Variants in YWHAE observed in about 807,000 individuals in gnomAD.
YWHAE encodes the protein 14-3-3 protein epsilon.
A neutral mutation model predicts 30.1 loss-of-function variants in YWHAE; 4 were observed. That is an observed-to-expected ratio of 0.13 (90% CI 0.07 to 0.30). The LOEUF is 0.30. Among genes scored for constraint, YWHAE ranks in the 10% least tolerant of loss-of-function variants. YWHAE has a pLI of 1.00. For missense variants in YWHAE, 121 were observed against 315.9 expected (o/e 0.38, Z 4.68); for synonymous variants, 118 against 111.8 (o/e 1.06, Z -0.35).
chr17:1,354,121 GATA>G lies in YWHAE; in HGVS notation c.715+87_715+89del, dbSNP rs2072687427. On this transcript the variant is annotated intron_variant, in intron 5 of 5. Coordinates refer to ENST00000264335, the MANE Select transcript of YWHAE (RefSeq NM_006761.5). ...AGGCGGTGAATCTAAATTCTAGCTT[GATA>G]TAACGACAAGCCAAGGAATGTCTAA... The G allele has an allele frequency of 4.0e-6, 6 of 1,481,514 alleles. No homozygotes were observed. In the East Asian group the frequency reaches 1.4e-4, roughly 34 times the overall value. The allele number at this position is 1,481,514 out of a possible 1,614,324, so 91.8% of individuals were successfully genotyped here.
intron 5 of YWHAE, chr17:1,348,027 G>A (rs947196819): frequency 1.0e-6 from 1 of 1,004,138 alleles, no homozygotes; most frequent in Non-Finnish European, 1.2e-6. Flanking sequence ...CAAGGAAAAA[G>A]GGAGGGAGAA....
At chr17:1,349,676 C>CG (rs1227074663) in intron 5 of YWHAE, among the ~76,000 whole-genome samples, 1 of 150,892 alleles carries the variant, frequency 6.6e-6, no homozygotes, top group African/African-American at 2.4e-5. Flanking sequence ...TGCAGTGGTG[C>CG]TATCTCGGCT....
chr17:1,366,490 C>A (rs1221490492), intron 1 of YWHAE, among the ~76,000 whole-genome samples: 1 of 151,848 alleles, frequency 6.6e-6, no homozygotes, highest in African/African-American at 2.4e-5. Context: ...ACTGAGATCG[C>A]CCCACTGTAT....
At chr17:1,362,217 T>A (rs1411096067) in intron 2 of YWHAE, among the ~76,000 whole-genome samples, 1 of 152,064 alleles carries the variant, frequency 6.6e-6, no homozygotes, top group African/African-American at 2.4e-5. Flanking sequence ...GCATGCTGCC[T>A]ATTGTTACAC....
intron 1 of YWHAE, among the ~76,000 whole-genome samples, chr17:1,388,086 G>A (rs1336989364): frequency 7.3e-6 from 1 of 137,472 alleles, no homozygotes; most frequent in Non-Finnish European, 1.5e-5. Context: ...CCACCACCAC[G>A]CCTGGGTAAT....
At chr17:1,360,857 G>T (rs959896420) in intron 4 of YWHAE, among the ~76,000 whole-genome samples, 2 of 152,066 alleles carry the variant, frequency 1.3e-5, no homozygotes, top group Admixed American at 6.6e-5. Flanking sequence ...TAACATGTTA[G>T]ATTTCAATCT....
chr17:1,393,021 T>C (rs1444774805), intron 1 of YWHAE, among the ~76,000 whole-genome samples: 1 of 151,830 alleles, frequency 6.6e-6, no homozygotes, highest in Non-Finnish European at 1.5e-5. Flanking sequence ...CTGGGCAACA[T>C]GGTGAAACCC....
chr17:1,382,053 T>C (rs975949991), intron 1 of YWHAE, among the ~76,000 whole-genome samples: 1 of 152,020 alleles, frequency 6.6e-6, no homozygotes, highest in Non-Finnish European at 1.5e-5. Context: ...GTAGTTTTTT[T>C]GTTTGTTTGT....
At chr17:1,393,952 C>G (rs1006310099) in intron 1 of YWHAE, among the ~76,000 whole-genome samples, 1 of 152,096 alleles carries the variant, frequency 6.6e-6, no homozygotes, top group Non-Finnish European at 1.5e-5. Flanking sequence ...CTACAATTCA[C>G]CATGGATATC....
intron 1 of YWHAE, among the ~76,000 whole-genome samples, chr17:1,395,890 G>A (rs937758741): frequency 1.5e-4 from 23 of 152,268 alleles, no homozygotes; most frequent in Non-Finnish European, 2.2e-4. Flanking sequence ...AGGCCGAGGC[G>A]GGCGGATCAC....
chr17:1,382,652 G>C (rs539885428), intron 1 of YWHAE, among the ~76,000 whole-genome samples: 1 of 151,958 alleles, frequency 6.6e-6, no homozygotes, highest in African/African-American at 2.4e-5. Context: ...GAGCCACCAC[G>C]CCTGGCCAGT....
At chr17:1,387,982 G>A (rs557663379) in intron 1 of YWHAE, among the ~76,000 whole-genome samples, 16 of 136,164 alleles carry the variant, frequency 1.2e-4, no homozygotes, top group Admixed American at 9.3e-4. Flanking sequence ...CTGGAGCCCA[G>A]GGGCACTATC....
At chr17:1,394,443 A>G (rs1477090017) in intron 1 of YWHAE, among the ~76,000 whole-genome samples, 1 of 133,268 alleles carries the variant, frequency 7.5e-6, no homozygotes, top group East Asian at 2.2e-4. Flanking sequence ...CCACAAAAAA[A>G]AAAAAAAAAA....
At chr17:1,390,081 T>C (rs992281929) in intron 1 of YWHAE, among the ~76,000 whole-genome samples, 13 of 152,118 alleles carry the variant, frequency 8.5e-5, no homozygotes, top group African/African-American at 2.9e-4. Flanking sequence ...CGACCTCAGG[T>C]GATCCGCCCA....
chr17:1,381,292 C>A (rs1440681187), intron 1 of YWHAE, among the ~76,000 whole-genome samples: 4 of 151,630 alleles, frequency 2.6e-5, no homozygotes, highest in Non-Finnish European at 4.4e-5. Context: ...AGGCGGGTGA[C>A]TCACCTGAGG....
At chr17:1,345,548 C>T (rs187793767) in intron 5 of YWHAE, 49 bp from the exon 6 acceptor site, 207 of 1,578,836 alleles carry the variant, frequency 1.3e-4, no homozygotes, top group Admixed American at 7.5e-4. Flanking sequence ...CTACATTAGG[C>T]TATGGCAGCC....
At position 1,345,064 on chromosome 17, in the gene YWHAE, T is replaced by C; in HGVS notation, c.*383A>G. On this transcript the variant is annotated 3_prime_UTR_variant, in exon 6 of 6. Coordinates refer to ENST00000264335, the MANE Select transcript of YWHAE (RefSeq NM_006761.5). ...TGATACCACTTATGCCTCTATAGTG[T>C]GATTAACCTCTCTCTTAGATGCTTG... 2 of 275,364 alleles carry C rather than the reference T, an allele frequency of 7.3e-6. No homozygotes were observed. The highest frequency in any genetic ancestry group is 6.9e-6 in the Non-Finnish European group (1 of 144,970). 17.1% of individuals were successfully genotyped at this position (275,364 alleles called of 1,614,324 possible).
At chr17:1,347,987 A>T (rs954626650) in intron 5 of YWHAE, 3 of 1,011,994 alleles carry the variant, frequency 3.0e-6, no homozygotes, top group Non-Finnish European at 3.5e-6. Context: ...GGAAAGGAAG[A>T]GTTGGGTTTT....
At chr17:1,354,989 T>TTTG in intron 4 of YWHAE, among the ~76,000 whole-genome samples, 2 of 136,556 alleles carry the variant, frequency 1.5e-5, no homozygotes, top group Non-Finnish European at 3.1e-5. Context: ...TTTTTTTTTT[T>TTTG]TTTTTTTTAA....
Sources: allele counts gnomAD v4.1 joint callset (sites outside exome capture counted in the v4.1 genomes callset), GRCh38; gene constraint gnomAD v4.1.1; transcripts MANE v1.5; gene names NCBI Gene and HGNC (gene_info 2026-07-23, HGNC 2026-07-21).